Variants in CSMD3 observed in about 807,000 individuals in gnomAD.
The protein encoded by CSMD3 is CUB and Sushi multiple domains 3, also known as CUB and sushi domain-containing protein 3.
Under a neutral mutation model 435.2 loss-of-function variants are expected in CSMD3, and 177 were observed. That is an observed-to-expected ratio of 0.41 (90% CI 0.36 to 0.46). CSMD3 has a LOEUF of 0.46. Ranked by LOEUF, CSMD3 falls within the 20% of genes least tolerant of loss-of-function variation. CSMD3 has a pLI of 0.34. For missense variants in CSMD3, 4,265 were observed against 4,504.6 expected, an observed-to-expected ratio of 0.95 and a Z score of 1.52; for synonymous variants, 1,656 against 1,520.5, an observed-to-expected ratio of 1.09 and a Z score of -2.07.
chr8:112,895,798 CG>C (rs1244718084), intron 10 of CSMD3, among the ~76,000 whole-genome samples: 1 of 151,222 alleles, frequency 6.6e-6, no homozygotes, highest in Non-Finnish European at 1.5e-5. Flanking sequence ...CTTAGAAGAG[CG>C]GTCAAGGTTA....
At chr8:112,905,321 T>TATATACACACACAC (rs5894119) in intron 10 of CSMD3, among the ~76,000 whole-genome samples, 2 of 145,582 alleles carry the variant, frequency 1.4e-5, no homozygotes, top group Admixed American at 6.9e-5. Context: ...TATATATATA[T>TATATACACACACAC]ACACACACAC....
chr8:112,288,657 T>C (rs1819459955), intron 57 of CSMD3, among the ~76,000 whole-genome samples: 1 of 151,806 alleles, frequency 6.6e-6, no homozygotes, highest in South Asian at 2.1e-4. Flanking sequence ...TAAAAATAAA[T>C]AGTATCAACT....
intron 9 of CSMD3, among the ~76,000 whole-genome samples, chr8:112,929,641 T>C (rs146497637): frequency 1.2e-3 from 179 of 152,102 alleles, no homozygotes; most frequent in Middle Eastern, 3.7e-3. Flanking sequence ...ATATAACAAG[T>C]GAAGTATGGT....
intron 3 of CSMD3, among the ~76,000 whole-genome samples, chr8:113,201,590 G>A (rs947672483): frequency 7.2e-5 from 11 of 151,886 alleles, no homozygotes; most frequent in African/African-American, 2.4e-4. Context: ...TAAAAACAAT[G>A]AAACTTGAAT....
At chr8:113,069,239 T>C (rs2088996239) in intron 5 of CSMD3, among the ~76,000 whole-genome samples, 1 of 152,120 alleles carries the variant, frequency 6.6e-6, no homozygotes, top group African/African-American at 2.4e-5. Flanking sequence ...ACTATAAATA[T>C]ATGCCCACTC....
chr8:112,985,431 C>G (rs1564179626), intron 6 of CSMD3, among the ~76,000 whole-genome samples: 1 of 151,522 alleles, frequency 6.6e-6, no homozygotes, highest in East Asian at 1.9e-4. Flanking sequence ...TGAAGCATCA[C>G]TAAAGGACAT....
chr8:112,667,620 G>A (rs961187553), intron 16 of CSMD3, among the ~76,000 whole-genome samples: 2 of 151,822 alleles, frequency 1.3e-5, no homozygotes, highest in Non-Finnish European at 2.9e-5. Flanking sequence ...GGATCTAGCT[G>A]TTGCTTATTC....
intron 59 of CSMD3, among the ~76,000 whole-genome samples, chr8:112,279,392 G>C (rs7014460): frequency 0.11 from 16,293 of 152,150 alleles, 2,041 homozygotes; most frequent in African/African-American, 0.3. Flanking sequence ...TGAAACTGTT[G>C]CTTTGCCTAA....
Position 112,228,802 on chromosome 8 carries a change from A to G in CSMD3, c.10918T>C (p.Phe3640Leu). The G allele has an allele frequency of 1.9e-6, 3 of 1,590,914 alleles. No individual in the cohort carries two copies. The highest frequency in any genetic ancestry group is 1.1e-5 in the South Asian group (1 of 90,598). The change falls in exon 70 of 71, where the codon TTT becomes CTT. Residue 3640 changes from phenylalanine (F) to leucine (L), a missense_variant. By Grantham distance (22) the Phe-to-Leu change is conservative. Around this residue, in one of 3 missense-constraint regions of CSMD3, gnomAD observed 3,255 missense variants for 3,380.2 expected, o/e 0.96. Transcript: ENST00000297405. ...CCAAATCCTGCAAATATAAGTGCAA[A>G]AAAAGGCACAAGAATAGCAATGGCT... is the stretch of plus-strand genomic sequence containing the variant. ...SVAIAILVPF[F>L]ALIFAGFGFY...
Position 112,829,727 on chromosome 8 carries a change from G to A in CSMD3, c.1818C>T (p.Gly606=), listed in dbSNP as rs373699127. 155 of 1,612,808 alleles carry A rather than the reference G, an allele frequency of 9.6e-5. No homozygotes were observed. Among genetic ancestry groups the A allele is most frequent in the Non-Finnish European group, 1.3e-4 (149 of 1,179,124 alleles). ...LEIGYDTLTI[G]DGGEVGDPRT... Reference sequence around the variant, plus strand: ...TAGGATCTCCAACTTCGCCCCCATCGCCAATTGTCAAGGTATCATAGCCAA... The same window carrying A: ...TAGGATCTCCAACTTCGCCCCCATCACCAATTGTCAAGGTATCATAGCCAA... The change falls in exon 12 of 71, where the codon GGC becomes GGT. Residue 606 remains glycine (G), a synonymous_variant. Transcript: ENST00000297405.
At chr8:112,638,605 T>C in intron 21 of CSMD3, 91 bp downstream of exon 21, 1 of 793,448 alleles carries the variant, frequency 1.3e-6, no homozygotes, top group Non-Finnish European at 2.1e-6. Flanking sequence ...CCAGCTATTT[T>C]TCACTGTTTT....
In CSMD3 at chr8:112,615,129, T is replaced by C. The variant is rs117256477; in HGVS notation, c.3715+21688A>G. On this transcript the variant is annotated intron_variant, in intron 22 of 70. Coordinates refer to ENST00000297405, the MANE Select transcript of CSMD3 (RefSeq NM_198123.2). ...GAACCAATGACAATTTTTAAGTCTG[T>C]ATTTCGTGAACAAATTTTGAGCTAA... Among the ~76,000 whole-genome samples, 9 of 152,272 alleles carry C rather than the reference T, an allele frequency of 5.9e-5. No homozygotes were observed. The East Asian group carries it at 1.7e-3, about 29-fold the overall frequency.
chr8:112,751,813 T>C (rs2077578128), intron 13 of CSMD3, among the ~76,000 whole-genome samples: 1 of 151,976 alleles, frequency 6.6e-6, no homozygotes, highest in Non-Finnish European at 1.5e-5. Context: ...TTCTTTTTAT[T>C]ATTATTATTT....
At chr8:112,968,759 C>T (rs999554392) in intron 7 of CSMD3, among the ~76,000 whole-genome samples, 1 of 151,778 alleles carries the variant, frequency 6.6e-6, no homozygotes, top group African/African-American at 2.4e-5. Context: ...TTGAATTCAC[C>T]ACTTGCTCAG....
intron 3 of CSMD3, among the ~76,000 whole-genome samples, chr8:113,219,542 A>G (rs1027472310): frequency 4.6e-5 from 7 of 151,420 alleles, no homozygotes; most frequent in Non-Finnish European, 1.0e-4. Context: ...TGGTATCTCA[A>G]ATTACTAGGA....
chr8:113,266,772 A>G (rs2093475205), intron 3 of CSMD3, among the ~76,000 whole-genome samples: 1 of 151,680 alleles, frequency 6.6e-6, no homozygotes, highest in Non-Finnish European at 1.5e-5. Context: ...AGTAATACAC[A>G]TCGACAATCA....
chr8:113,329,772 G>A (rs1588529758), intron 1 of CSMD3, among the ~76,000 whole-genome samples: 1 of 151,962 alleles, frequency 6.6e-6, no homozygotes, highest in African/African-American at 2.4e-5. Context: ...CAATGATTAA[G>A]GCCAAAAGTT....
At chr8:112,685,975 AT>A (rs149354223) in intron 14 of CSMD3, among the ~76,000 whole-genome samples, 50,555 of 151,976 alleles carry the variant, frequency 0.33, 9,275 homozygotes, top group African/African-American at 0.5. Context: ...AATAATAGCA[AT>A]TTTTTGACAT....
intron 7 of CSMD3, among the ~76,000 whole-genome samples, chr8:112,969,491 A>C (rs898471911): frequency 6.6e-6 from 1 of 151,996 alleles, no homozygotes; most frequent in Non-Finnish European, 1.5e-5. Context: ...TTATTAACCA[A>C]AGTAATATCC....
Sources: allele counts gnomAD v4.1 joint callset (sites outside exome capture counted in the v4.1 genomes callset), GRCh38; gene constraint gnomAD v4.1.1; regional missense constraint gnomAD v4.1.1; transcripts MANE v1.5; gene names NCBI Gene and HGNC (gene_info 2026-07-23, HGNC 2026-07-21).